APP: variants seen among roughly 807,000 people sequenced by gnomAD.
APP encodes the protein amyloid-beta precursor protein.
APP carries 31 observed loss-of-function variants against 101.4 expected under a neutral mutation model. The observed-to-expected ratio is 0.31, with a 90% CI of 0.23 to 0.41. The LOEUF (loss-of-function observed/expected upper bound fraction) is 0.41. Among genes scored for constraint, APP ranks in the 10% least tolerant of loss-of-function variants. The pLI, the probability that APP is intolerant of heterozygous loss-of-function variation, is 1.00. For missense variants in APP, 839 were observed against 1,003.7 expected (o/e 0.84, Z 2.22); for synonymous variants, 366 against 364.4 (o/e 1.00, Z -0.05).
At chr21:25,892,949 T>TAAA (rs768171775) in intron 16 of APP, among the ~76,000 whole-genome samples, 7 of 90,794 alleles carry the variant, frequency 7.7e-5, no homozygotes, top group East Asian at 3.3e-4. Flanking sequence ...AGATAGTATT[T>TAAA]AAAAAAAAAA....
chr21:25,948,401 C>A lies in APP; in HGVS notation c.1687+6189G>T, dbSNP rs190051476. ...TTTCCTGAAGAGTGGAACATTTTAT[C>A]AAGAGGCCACAGTAAAATTGTAATA... On this transcript the variant is annotated intron_variant, in intron 13 of 17. Transcript: ENST00000346798. Among the ~76,000 whole-genome samples the A allele has an allele frequency of 1.6e-4, 25 of 152,170 alleles. No individual in the cohort carries two copies. In the East Asian group the frequency reaches 4.8e-3, roughly 29 times the overall value.
At chr21:26,091,761 AAAATGAAGAGGAAAAGAGG>A (rs374604445) in intron 2 of APP, among the ~76,000 whole-genome samples, 8 of 152,274 alleles carry the variant, frequency 5.3e-5, no homozygotes, top group South Asian at 4.1e-4. Flanking sequence ...TTTGGAAACA[AAAATGAAGAGGAAAAGAGG>A]AAATGAAGAG....
intron 1 of APP, among the ~76,000 whole-genome samples, chr21:26,132,938 G>T (rs1203775157): frequency 1.3e-5 from 2 of 152,106 alleles, no homozygotes; most frequent in Non-Finnish European, 2.9e-5. Flanking sequence ...ATGTCAAAGA[G>T]AAGATTAAAA....
intron 3 of APP, among the ~76,000 whole-genome samples, chr21:26,071,794 T>C (rs7283136): frequency 0.11 from 17,390 of 152,194 alleles, 1,272 homozygotes; most frequent in East Asian, 0.23. Flanking sequence ...TTTCTAACAA[T>C]GATAAAATTA....
In APP at chr21:25,979,212, C is replaced by T. The variant is rs2042333422; in HGVS notation, c.1224+3132G>A. ...CCAAAATATGAAAAAATTCCAAAAT[C>T]CTCTGTATTTGTAAGAAAACATATA... On this transcript the variant is annotated intron_variant, in intron 9 of 17. Coordinates refer to ENST00000346798, the MANE Select transcript of APP (RefSeq NM_000484.4). 2.6e-5 allele frequency among the ~76,000 whole-genome samples: 4 copies of T among 152,236 alleles called. No individual in the cohort carries two copies. The South Asian group carries it at 6.2e-4, about 24-fold the overall frequency.
intron 16 of APP, among the ~76,000 whole-genome samples, chr21:25,892,459 C>A (rs181412701): frequency 1.2e-3 from 151 of 126,880 alleles, no homozygotes; most frequent in Non-Finnish European, 2.1e-3. Flanking sequence ...AAAAAGATAT[C>A]TTGTTACCTA....
At chr21:26,123,966 A>G (rs1307925712) in intron 1 of APP, among the ~76,000 whole-genome samples, 2 of 152,138 alleles carry the variant, frequency 1.3e-5, no homozygotes, top group Non-Finnish European at 2.9e-5. Flanking sequence ...TTTCTAGTAT[A>G]TAGAGCAAGG....
At chr21:25,975,049 C>T (rs1285588821) in intron 11 of APP, 21 bp downstream of exon 11, 1 of 1,613,552 alleles carries the variant, frequency 6.2e-7, no homozygotes, top group Admixed American at 1.7e-5. Flanking sequence ...GAAGTGTGAA[C>T]TCGGCTGCAG....
chr21:26,084,702 A>C (rs1230554056), intron 3 of APP, among the ~76,000 whole-genome samples: 1 of 152,218 alleles, frequency 6.6e-6, no homozygotes, highest in Non-Finnish European at 1.5e-5. Context: ...TTGGAGGGAA[A>C]AAAAATTAAG....
chr21:25,965,396 A>G (rs1201954313), intron 11 of APP, among the ~76,000 whole-genome samples: 1 of 152,226 alleles, frequency 6.6e-6, no homozygotes, highest in Admixed American at 6.5e-5. Flanking sequence ...TTGCATATTC[A>G]TACTTGGACT....
At position 26,059,890 on chromosome 21, in the gene APP, CAAAAAAAAAAAAAAAAA is replaced by C. The variant is rs57594630; in HGVS notation, c.356-6559_356-6543del. ...TGAGCGAAAGAGCGAGACTCCGTCT[CAAAAAAAAAAAAAAAAA>C]AAAAAAAAAAAAAAAAGAGAGGGTG... is the stretch of plus-strand genomic sequence containing the variant. On this transcript the variant is annotated intron_variant, in intron 3 of 17. Coordinates refer to ENST00000346798, the MANE Select transcript of APP (RefSeq NM_000484.4). 1.1e-4 allele frequency among the ~76,000 whole-genome samples: 8 copies of C among 70,646 alleles called. 1 individual carries two copies. Among genetic ancestry groups the C allele is most frequent in the African/African-American group, 1.6e-4 (3 of 18,454 alleles). 46.3% of individuals were successfully genotyped at this position (70,646 alleles called of 152,430 possible). A position where few individuals can be genotyped will look rare whatever the true frequency, so the allele number is the denominator to read the frequency against.
At chr21:26,169,464 C>G in intron 1 of APP, 1 of 153,008 alleles carries the variant, frequency 6.5e-6, no homozygotes, top group East Asian at 1.9e-4. Flanking sequence ...ATGCACAGGA[C>G]AGAGCCCGTG....
At chr21:25,964,316 G>C (rs913210877) in intron 11 of APP, among the ~76,000 whole-genome samples, 1 of 152,080 alleles carries the variant, frequency 6.6e-6, no homozygotes, top group Non-Finnish European at 1.5e-5. Context: ...CTCCTCTTAC[G>C]GAGGAAGACA....
chr21:25,900,713 G>A (rs2038400840), intron 15 of APP, among the ~76,000 whole-genome samples: 2 of 152,044 alleles, frequency 1.3e-5, no homozygotes, highest in South Asian at 4.1e-4. Flanking sequence ...AGTAAAGAAT[G>A]AGCTCTGGCC....
intron 15 of APP, among the ~76,000 whole-genome samples, chr21:25,900,871 C>A (rs2038412495): frequency 1.3e-5 from 2 of 151,252 alleles, no homozygotes; most frequent in South Asian, 4.2e-4. Flanking sequence ...CACCTGTAGT[C>A]CCAGCTACTA....
chr21:25,947,677 G>T (rs1159091005), intron 13 of APP, among the ~76,000 whole-genome samples: 2 of 152,040 alleles, frequency 1.3e-5, no homozygotes, highest in African/African-American at 4.8e-5. Context: ...GAAACCAATG[G>T]GGGAACAAGG....
intron 1 of APP, among the ~76,000 whole-genome samples, chr21:26,166,929 T>G (rs564401129): frequency 5.6e-4 from 28 of 50,404 alleles, no homozygotes; most frequent in Middle Eastern, 7.6e-3. Flanking sequence ...AGACAGAGGG[T>G]GTGTGTGTGT....
intron 15 of APP, 55 bp downstream of exon 15, chr21:25,904,968 TC>T: frequency 6.8e-7 from 1 of 1,473,738 alleles, no homozygotes; most frequent in South Asian, 1.2e-5. Flanking sequence ...GGAGACAACG[TC>T]TGCTCGAGCT....
At chr21:26,124,098 T>G (rs141483755) in intron 1 of APP, among the ~76,000 whole-genome samples, 5 of 152,048 alleles carry the variant, frequency 3.3e-5, no homozygotes, top group Non-Finnish European at 5.9e-5. Context: ...AAGCATTCAA[T>G]AAATACTTAT....
Sources: gnomAD v4.1 joint callset for allele counts (sites outside exome capture counted in the v4.1 genomes callset) on GRCh38, gnomAD v4.1.1 for gene constraint, MANE v1.5 for transcripts, NCBI Gene and HGNC (gene_info 2026-07-23, HGNC 2026-07-21) for gene names.